The following SEPTIN9 variants were observed in gnomAD, a reference collection of about 807,000 sequenced individuals.
SEPTIN9 encodes septin 9.
A neutral mutation model predicts 56.6 loss-of-function variants in SEPTIN9; 13 were observed. The observed-to-expected ratio is 0.23, with a 90% confidence interval of 0.15 to 0.37. SEPTIN9 has a LOEUF of 0.37. SEPTIN9 is among the 10% of genes least tolerant of loss of function. SEPTIN9 has a pLI of 1.00. For synonymous variants in SEPTIN9, 332 were observed against 334.1 expected (o/e 0.99, Z 0.07); for missense variants, 650 against 823.1 (o/e 0.79, Z 2.57).
rs2033167513 is a variant in SEPTIN9 at position 77,327,100 on chromosome 17, C to T, written c.76+19903C>T. On this transcript the variant is annotated intron_variant, in intron 2 of 11. Transcript: ENST00000427177. This position sits in a 1 kb window ranked among gnomAD's most constrained non-coding sequence, Gnocchi z 5.0. ...AGAAAAAAAAAAGAATAAACCATAG[C>T]TGCTGTAGCAAGTTAATCCTACCAG... Among the ~76,000 whole-genome samples, 1 of 152,172 alleles carries T rather than the reference C, an allele frequency of 6.6e-6. No homozygotes were observed. The highest frequency in any genetic ancestry group is 2.1e-4 in the South Asian group (1 of 4,826).
intron 2 of SEPTIN9, among the ~76,000 whole-genome samples, chr17:77,346,768 T>A (rs1429618803): frequency 6.6e-6 from 1 of 152,212 alleles, no homozygotes; most frequent in Non-Finnish European, 1.5e-5. Flanking sequence ...TGCTATGGCC[T>A]ACCTGTTTGT....
intron 2 of SEPTIN9, among the ~76,000 whole-genome samples, chr17:77,344,969 C>CA (rs35165946): frequency 0.017 from 1,152 of 67,898 alleles, 135 homozygotes; most frequent in African/African-American, 0.051. Context: ...AAGACTGCCT[C>CA]AAAAAAAAAA....
rs572532175 is a variant in SEPTIN9, at chr17:77,470,438, TCATCCACC to T, written c.722-11698_722-11691del. ...CTCACCCATCCATCTACCCATCCAC[TCATCCACC>T]CATCCACTTGTCTACTCATCCACTC... On this transcript the variant is annotated intron_variant, in intron 3 of 11. Transcript: ENST00000427177. Among the ~76,000 whole-genome samples the T allele has an allele frequency of 7.4e-3, 1,080 of 146,818 alleles. 10 individuals are homozygous for T. The highest frequency in any genetic ancestry group is 0.026 in the African/African-American group (1,031 of 39,492).
chr17:77,428,690 G>A (rs986026846), intron 3 of SEPTIN9, among the ~76,000 whole-genome samples: 1 of 152,164 alleles, frequency 6.6e-6, no homozygotes, highest in African/African-American at 2.4e-5. Context: ...AGAGAGCAGT[G>A]CTGGATGGGA....
At chr17:77,363,893 T>TCGGTTCCGGCAG (rs2034494288) in intron 2 of SEPTIN9, among the ~76,000 whole-genome samples, 1 of 152,038 alleles carries the variant, frequency 6.6e-6, no homozygotes. Context: ...GCAGCCTTGG[T>TCGGTTCCGGCAG]CCTTTGTGCT....
intron 2 of SEPTIN9, among the ~76,000 whole-genome samples, chr17:77,320,643 G>A (rs1016359756): frequency 4.6e-5 from 7 of 152,166 alleles, no homozygotes; most frequent in African/African-American, 1.7e-4. Context: ...GGCTGTTGGC[G>A]CCGAAACCTT....
chr17:77,441,348 G>A (rs978526255), intron 3 of SEPTIN9, among the ~76,000 whole-genome samples: 4 of 152,190 alleles, frequency 2.6e-5, no homozygotes, highest in Non-Finnish European at 2.9e-5. Flanking sequence ...CTGACACTGC[G>A]GCCCCTGCCC....
In SEPTIN9 at chr17:77,306,718, T is replaced by A. The variant is rs540192592; in HGVS notation, c.20-423T>A. ...GGGAAACCCTGATTCATAAGACGGGTGGACATGGAGGAAGGAGGAGACTCC... is the reference window on the plus strand; with the variant it reads ...GGGAAACCCTGATTCATAAGACGGGAGGACATGGAGGAAGGAGGAGACTCC... On this transcript the variant is annotated intron_variant, in intron 1 of 11. Coordinates refer to ENST00000427177, the MANE Select transcript of SEPTIN9 (RefSeq NM_001113491.2). Among the ~76,000 whole-genome samples, 3 of 151,942 alleles carry A rather than the reference T, an allele frequency of 2.0e-5. No individual in the cohort carries two copies. In the South Asian group the frequency reaches 6.2e-4, roughly 32 times the overall value.
rs931581949 is a variant in SEPTIN9 at position 77,402,817 on chromosome 17, G to C, written c.721+114G>C. The C allele has an allele frequency of 1.2e-5, 14 of 1,122,566 alleles. No individual in the cohort carries two copies. The highest frequency in any genetic ancestry group is 6.1e-4 in the Middle Eastern group (2 of 3,266). 69.5% of individuals were successfully genotyped at this position (1,122,566 alleles called of 1,614,324 possible). A position where few individuals can be genotyped will look rare whatever the true frequency, so the allele number is the denominator to read the frequency against. On this transcript the variant is annotated intron_variant, in intron 3 of 11. Coordinates refer to ENST00000427177, the MANE Select transcript of SEPTIN9 (RefSeq NM_001113491.2). The surrounding 1 kb of genome is among the most constrained non-coding windows in gnomAD (Gnocchi z 6.6). Reference sequence around the variant, plus strand: ...GATATGGGGTGGAGGGTGCTACCCTGGAGACCCAGAAAGACCGGAATGCAT... The same window carrying C: ...GATATGGGGTGGAGGGTGCTACCCTCGAGACCCAGAAAGACCGGAATGCAT...
At chr17:77,440,702 GCA>G (rs1336011143) in intron 3 of SEPTIN9, among the ~76,000 whole-genome samples, 1 of 152,248 alleles carries the variant, frequency 6.6e-6, no homozygotes, top group Non-Finnish European at 1.5e-5. Context: ...CTGGGCGCCC[GCA>G]CAGTGCCGTC....
rs1388086252 is a variant in SEPTIN9, at chr17:77,329,951, G to A, written c.76+22754G>A. 1.3e-5 allele frequency among the ~76,000 whole-genome samples: 2 copies of A among 152,186 alleles called. No individual in the cohort carries two copies. Among genetic ancestry groups the A allele is most frequent in the Non-Finnish European group, 2.9e-5 (2 of 68,028 alleles). ...GGCTTCGGACTGGCCAGGCAGGTGG[G>A]TGGGGGCTGCAGTCCATGCCCCCGC... On this transcript the variant is annotated intron_variant, in intron 2 of 11. Transcript: ENST00000427177. The surrounding 1 kb of genome is among the most constrained non-coding windows in gnomAD (Gnocchi z 4.3).
chr17:77,491,870 G>A (rs151270710), intron 8 of SEPTIN9, among the ~76,000 whole-genome samples: 2,689 of 148,862 alleles, frequency 0.018, 33 homozygotes, highest in Non-Finnish European at 0.027. Context: ...CTCCGCCACC[G>A]TCTGAGGCCC....
chr17:77,347,378 CAAAA>C (rs374020168), intron 2 of SEPTIN9, among the ~76,000 whole-genome samples: 1 of 105,854 alleles, frequency 9.4e-6, no homozygotes. Flanking sequence ...AACTCCGTCT[CAAAA>C]AAAAAAAAAA....
intron 1 of SEPTIN9, among the ~76,000 whole-genome samples, chr17:77,296,763 G>A (rs192638100): frequency 9.5e-4 from 144 of 152,306 alleles, no homozygotes; most frequent in African/African-American, 3.4e-3. Flanking sequence ...TGAGGCACGA[G>A]AATCACTTGA....
chr17:77,426,083 G>A (rs1400537875), intron 3 of SEPTIN9, among the ~76,000 whole-genome samples: 1 of 152,116 alleles, frequency 6.6e-6, no homozygotes, highest in Non-Finnish European at 1.5e-5. Context: ...ACCAGGAAAT[G>A]CAGCCAGGCC....
chr17:77,358,069 G>A lies in SEPTIN9; in HGVS notation c.77-43990G>A, dbSNP rs868588334. On this transcript the variant is annotated intron_variant, in intron 2 of 11. Transcript: ENST00000427177. ...GTTATTATGAGTCCTTTCAATCTAG[G>A]TATTGTTCTCAATGGACAGCTTAGT... Among the ~76,000 whole-genome samples, 7 of 152,278 alleles carry A rather than the reference G, an allele frequency of 4.6e-5. 1 individual carries two copies. The highest frequency in any genetic ancestry group is 6.8e-3 in the Middle Eastern group (2 of 294).
At position 77,421,559 on chromosome 17, in the gene SEPTIN9, C is replaced by G. The variant is rs986153773; in HGVS notation, c.721+18856C>G. On this transcript the variant is annotated intron_variant, in intron 3 of 11. Transcript: ENST00000427177. The surrounding 1 kb of genome is among the most constrained non-coding windows in gnomAD (Gnocchi z 4.6). ...TCTGCCTGCTGGTTTTGCTTCCTGT[C>G]CTGGGAGAAGGTATCCACATGTCCC... Among the ~76,000 whole-genome samples the G allele has an allele frequency of 4.6e-5, 7 of 152,314 alleles. No individual in the cohort carries two copies. The highest frequency in any genetic ancestry group is 1.7e-4 in the African/African-American group (7 of 41,556).
At chr17:77,315,278 G>A (rs1208783163) in intron 2 of SEPTIN9, among the ~76,000 whole-genome samples, 1 of 149,492 alleles carries the variant, frequency 6.7e-6, no homozygotes, top group African/African-American at 2.5e-5. Context: ...ACTGAAGAAT[G>A]ACCACCTAAC....
At chr17:77,321,635 G>A (rs954716020) in intron 2 of SEPTIN9, among the ~76,000 whole-genome samples, 1 of 152,100 alleles carries the variant, frequency 6.6e-6, no homozygotes, top group Non-Finnish European at 1.5e-5. Flanking sequence ...TGATCCGCCC[G>A]CCTCAGCCTC....
Sources: gnomAD v4.1 joint callset for allele counts (sites outside exome capture counted in the v4.1 genomes callset) on GRCh38, gnomAD v4.1.1 for gene constraint, Gnocchi (gnomAD v3.1) non-coding constraint, MANE v1.5 for transcripts, NCBI Gene and HGNC (gene_info 2026-07-23, HGNC 2026-07-21) for gene names.